Variants in MYH15 observed in about 807,000 individuals in gnomAD.
The protein encoded by MYH15 is myosin-15.
In MYH15, 227 loss-of-function variants were observed where a neutral mutation model predicts 240.5. The ratio of observed to expected loss-of-function variants is 0.94; its 90% CI spans 0.85 to 1.05. The LOEUF (loss-of-function observed/expected upper bound fraction) is 1.05. Among genes scored for constraint, MYH15 ranks in the 50% least tolerant of loss-of-function variants. The pLI is 0.00. For synonymous variants in MYH15, 785 were observed against 796.7 expected, an observed-to-expected ratio of 0.99 and a Z score of 0.25; for missense variants, 2,217 against 2,247.5, an observed-to-expected ratio of 0.99 and a Z score of 0.27.
In MYH15 at chr3:108,421,737, C is replaced by T. The variant is rs148632700; in HGVS notation, c.3703-523G>A. On this transcript the variant is annotated intron_variant, in intron 27 of 40. Transcript: ENST00000693548. ...AGGAGGAAGGAAATCTAGAAGGCTG[C>T]CCAAGCAGGATAGAAGAAAGGGATG... Among the ~76,000 whole-genome samples the T allele has an allele frequency of 1.8e-4, 27 of 152,208 alleles. 1 individual carries two copies. Among genetic ancestry groups the T allele is most frequent in the African/African-American group, 6.5e-4 (27 of 41,526 alleles).
At chr3:108,441,917 G>A (rs1381226276) in intron 22 of MYH15, among the ~76,000 whole-genome samples, 4 of 152,112 alleles carry the variant, frequency 2.6e-5, no homozygotes, top group African/African-American at 9.7e-5. Flanking sequence ...CCTTTCACAG[G>A]CACTGCCTCC....
intron 33 of MYH15, among the ~76,000 whole-genome samples, chr3:108,401,642 T>A (rs1487783553): frequency 6.6e-6 from 1 of 152,230 alleles, no homozygotes; most frequent in African/African-American, 2.4e-5. Context: ...CACTGAAGCA[T>A]CCCCAGCCTG....
chr3:108,489,878 T>A (rs2083333795), intron 9 of MYH15, among the ~76,000 whole-genome samples: 2 of 152,222 alleles, frequency 1.3e-5, no homozygotes, highest in Admixed American at 1.3e-4. Flanking sequence ...CAATACCCAA[T>A]TTGGACCACC....
intron 1 of MYH15, among the ~76,000 whole-genome samples, chr3:108,506,639 C>CT (rs1190781983): frequency 6.6e-6 from 1 of 152,084 alleles, no homozygotes; most frequent in African/African-American, 2.4e-5. Context: ...AATTCCAGAA[C>CT]TTTGGGAGGC....
At chr3:108,434,091 G>T (rs2082804666) in intron 25 of MYH15, among the ~76,000 whole-genome samples, 1 of 149,430 alleles carries the variant, frequency 6.7e-6, no homozygotes, top group South Asian at 2.1e-4. Context: ...ATTGATAATA[G>T]CATTTATATT....
the MYH15 span, among the ~76,000 whole-genome samples, chr3:108,538,093 A>G: frequency 6.6e-6 from 1 of 152,168 alleles, no homozygotes; most frequent in Non-Finnish European, 1.5e-5. Context: ...AGATCTAGGA[A>G]TACTAAGAGG....
intron 11 of MYH15, among the ~76,000 whole-genome samples, chr3:108,480,795 T>C (rs376412767): frequency 9.9e-5 from 15 of 152,278 alleles, no homozygotes; most frequent in Admixed American, 4.6e-4. Flanking sequence ...TTTAGGATAC[T>C]AGAAAATATG....
chr3:108,403,378 A>C (rs1037662295), intron 33 of MYH15, among the ~76,000 whole-genome samples: 14 of 152,006 alleles, frequency 9.2e-5, no homozygotes, highest in African/African-American at 3.4e-4. Context: ...GTTTCTGTGG[A>C]GTTAATGATG....
Position 108,414,081 on chromosome 3 carries a change from C to T in MYH15, c.4145+151G>A, listed in dbSNP as rs988204038. The T allele has an allele frequency of 4.4e-6, 3 of 680,272 alleles. No homozygotes were observed. In the African/African-American group the frequency reaches 5.4e-5, roughly 12 times the overall value. The allele number at this position is 680,272 out of a possible 1,614,324, so 42.1% of individuals were successfully genotyped here. On this transcript the variant is annotated intron_variant, in intron 30 of 40. Coordinates refer to ENST00000693548, the MANE Select transcript of MYH15 (RefSeq NM_014981.3). ...CTCTACAGAGTGTGCTTCTTACCAGCAGTGCACGTTTCAGCTTTGGTTTTG... is the reference window on the plus strand; with the variant it reads ...CTCTACAGAGTGTGCTTCTTACCAGTAGTGCACGTTTCAGCTTTGGTTTTG...
intron 38 of MYH15, among the ~76,000 whole-genome samples, chr3:108,387,876 T>C (rs928811940): frequency 2.6e-5 from 4 of 152,236 alleles, no homozygotes; most frequent in African/African-American, 9.6e-5. Context: ...TAGCCCAAGA[T>C]GATGCTTCTG....
chr3:108,508,937 C>A (rs2083500332), intron 1 of MYH15, among the ~76,000 whole-genome samples: 1 of 152,030 alleles, frequency 6.6e-6, no homozygotes, highest in Non-Finnish European at 1.5e-5. Flanking sequence ...ATTTGGTCCC[C>A]ACAGCAATGG....
intron 14 of MYH15, among the ~76,000 whole-genome samples, chr3:108,468,092 A>G (rs902418538): frequency 6.6e-6 from 1 of 151,790 alleles, no homozygotes; most frequent in Non-Finnish European, 1.5e-5. Flanking sequence ...CAGCCTCCCT[A>G]GTAGCTGTGA....
the MYH15 span, among the ~76,000 whole-genome samples, chr3:108,538,902 G>A: frequency 1.3e-5 from 2 of 152,252 alleles, no homozygotes; most frequent in South Asian, 4.2e-4. Context: ...ATCACCCCAT[G>A]GCAGAGAGTG....
rs1304653369 is a variant in MYH15 at position 108,459,415 on chromosome 3, G to T, written c.1967C>A (p.Ser656Ter). 2 of 1,605,010 alleles carry T rather than the reference G, an allele frequency of 1.2e-6. No individual in the cohort carries two copies. The highest frequency in any genetic ancestry group is 1.1e-5 in the South Asian group (1 of 88,798). The change falls in exon 18 of 41, where the codon TCA becomes TAA. Residue 656 changes from serine to a stop codon, truncating the protein, a stop_gained. Transcript: ENST00000693548. LOFTEE classifies it high-confidence loss of function. ...GCATCTCACAAAATGAGGTGCTGTT[G>T]ATTTCAGATTAGTCATCAATTTATT... ...NLNKLMTNLK[S>*]TAPHFVRCIN...
rs558526246 is a variant in MYH15, at chr3:108,443,164, T to G, written c.2655+1476A>C. Among the ~76,000 whole-genome samples the G allele has an allele frequency of 1.8e-3, 277 of 152,318 alleles. 1 individual carries two copies. Among genetic ancestry groups the G allele is most frequent in the Non-Finnish European group, 3.2e-3 (216 of 68,022 alleles). Reference sequence around the variant, plus strand: ...ACAAATTGTGATTCTTACAGTTTCTTACAGTAGCTTTGAAATGGGGCCCAG... The same window carrying G: ...ACAAATTGTGATTCTTACAGTTTCTGACAGTAGCTTTGAAATGGGGCCCAG... On this transcript the variant is annotated intron_variant, in intron 22 of 40. Transcript: ENST00000693548.
rs1307537910 is a variant in MYH15 at position 108,421,196 on chromosome 3, A to T, written c.3721T>A (p.Cys1241Ser). 1.2e-6 allele frequency: 2 copies of T among 1,613,008 alleles called. No individual in the cohort carries two copies. Among genetic ancestry groups the T allele is most frequent in the Non-Finnish European group, 1.7e-6 (2 of 1,179,922 alleles). Reference sequence around the variant, plus strand: ...TGCAAGCGCTCTTCATATAGAGTACAGAGTTTCTCAGCATTTGCCTATAAG... The same window carrying T: ...TGCAAGCGCTCTTCATATAGAGTACTGAGTTTCTCAGCATTTGCCTATAAG... Reference protein sequence around the residue: ...TRAKANAEKLCTLYEERLHEA... With the variant: ...TRAKANAEKLSTLYEERLHEA... The change falls in exon 28 of 41, where the codon TGT (cysteine) becomes AGT (serine). Residue 1241 changes from cysteine to serine, a missense_variant. Cys to Ser is a moderately radical substitution (Grantham distance 112). Coordinates refer to ENST00000693548, the MANE Select transcript of MYH15 (RefSeq NM_014981.3).
At chr3:108,517,783 T>C (rs1048409025) in intron 1 of MYH15, among the ~76,000 whole-genome samples, 6 of 152,176 alleles carry the variant, frequency 3.9e-5, no homozygotes, top group African/African-American at 1.4e-4. Context: ...CTGATTAAAT[T>C]CTGTCATGCA....
intron 25 of MYH15, among the ~76,000 whole-genome samples, chr3:108,433,867 T>C (rs1313506739): frequency 6.6e-6 from 1 of 152,168 alleles, no homozygotes; most frequent in Non-Finnish European, 1.5e-5. Flanking sequence ...AACAAACTAA[T>C]GTCATACCCA....
intron 9 of MYH15, among the ~76,000 whole-genome samples, chr3:108,491,917 T>C (rs1478907488): frequency 6.6e-6 from 1 of 151,986 alleles, no homozygotes; most frequent in Non-Finnish European, 1.5e-5. Flanking sequence ...TTCCCATTCT[T>C]CATATCCCAA....
Sources: gnomAD v4.1 joint callset for allele counts (sites outside exome capture counted in the v4.1 genomes callset) on GRCh38, gnomAD v4.1.1 for gene constraint, MANE v1.5 for transcripts, NCBI Gene and HGNC (gene_info 2026-07-23, HGNC 2026-07-21) for gene names.